Variants in CACNA2D3 observed in about 807,000 individuals in gnomAD.
CACNA2D3 encodes voltage-dependent calcium channel subunit alpha-2/delta-3.
A neutral mutation model predicts 160.6 loss-of-function variants in CACNA2D3; 60 were observed. The ratio of observed to expected loss-of-function variants is 0.37; its 90% confidence interval spans 0.30 to 0.46. The LOEUF is 0.46. Among genes scored for constraint, CACNA2D3 ranks in the 20% least tolerant of loss-of-function variants. The pLI, the probability that CACNA2D3 is intolerant of heterozygous loss-of-function variation, is 1.00. For missense variants in CACNA2D3, 1,205 were observed against 1,365.0 expected, an observed-to-expected ratio of 0.88 and a Z score of 1.85; for synonymous variants, 558 against 492.9, an observed-to-expected ratio of 1.13 and a Z score of -1.75.
chr3:54,390,980 G>A (rs1699269410), intron 4 of CACNA2D3, among the ~76,000 whole-genome samples: 1 of 149,828 alleles, frequency 6.7e-6, no homozygotes, highest in African/African-American at 2.4e-5. Flanking sequence ...GGAGTACAGG[G>A]AGCTGGAAGT....
rs551928235 is a variant in CACNA2D3 at position 54,319,118 on chromosome 3, G to A, written c.205-1324G>A. On this transcript the variant is annotated intron_variant, in intron 2 of 37. Transcript: ENST00000474759. ...CAGTATTACTGCGTCAAAAGACTTG[G>A]ACATTTGAGCATTTGAACAAGGAAG... Among the ~76,000 whole-genome samples the A allele has an allele frequency of 5.4e-4, 82 of 150,464 alleles. 2 individuals are homozygous for A. The highest frequency in any genetic ancestry group is 9.0e-4 in the Non-Finnish European group (61 of 67,750).
chr3:54,681,409 G>C (rs1472366039), intron 11 of CACNA2D3, among the ~76,000 whole-genome samples: 2 of 47,336 alleles, frequency 4.2e-5, no homozygotes, highest in Non-Finnish European at 9.4e-5. Flanking sequence ...AAAAAAAAAA[G>C]GCCAGGCATG....
At chr3:54,975,064 C>T (rs1702355157) in intron 29 of CACNA2D3, among the ~76,000 whole-genome samples, 1 of 152,202 alleles carries the variant, frequency 6.6e-6, no homozygotes, top group Non-Finnish European at 1.5e-5. Flanking sequence ...AAACCCAGCA[C>T]TCTGACCCCC....
chr3:54,593,036 A>G (rs1427807773), intron 9 of CACNA2D3, among the ~76,000 whole-genome samples: 1 of 152,168 alleles, frequency 6.6e-6, no homozygotes, highest in Non-Finnish European at 1.5e-5. Flanking sequence ...CACATGGGCA[A>G]ATGTTGCCTG....
chr3:54,626,301 C>T (rs994866356), intron 9 of CACNA2D3: 2 of 1,534,814 alleles, frequency 1.3e-6, no homozygotes, highest in African/African-American at 1.4e-5. Context: ...ACATGTCCTA[C>T]AAGCGGCTGA....
chr3:54,318,761 C>CAT (rs1178227077), intron 2 of CACNA2D3, among the ~76,000 whole-genome samples: 3 of 146,376 alleles, frequency 2.0e-5, no homozygotes, highest in Admixed American at 6.9e-5. Context: ...GTGGGATAAT[C>CAT]ATAGCTCACT....
chr3:54,320,857 G>A (rs1248566677), intron 3 of CACNA2D3, among the ~76,000 whole-genome samples: 1 of 152,118 alleles, frequency 6.6e-6, no homozygotes, highest in Non-Finnish European at 1.5e-5. Flanking sequence ...TTCAGTAATG[G>A]CCAAAAACCA....
chr3:54,654,037 T>G (rs149062820), intron 11 of CACNA2D3, among the ~76,000 whole-genome samples: 1 of 152,142 alleles, frequency 6.6e-6, no homozygotes, highest in East Asian at 1.9e-4. Flanking sequence ...ATTCTTATTT[T>G]GCAGGTGAGA....
intron 30 of CACNA2D3, 60 bp from the exon 31 acceptor site, chr3:54,987,623 T>C: frequency 9.1e-7 from 1 of 1,095,744 alleles, no homozygotes; most frequent in East Asian, 2.4e-5. Flanking sequence ...TTTTCATTTC[T>C]TCTCTCCTGT....
chr3:54,778,758 G>A (rs1702472114), intron 13 of CACNA2D3, among the ~76,000 whole-genome samples: 1 of 152,176 alleles, frequency 6.6e-6, no homozygotes, highest in Non-Finnish European at 1.5e-5. Flanking sequence ...AAAGGTTGGA[G>A]GGCATGTGAA....
At chr3:54,545,139 A>G (rs572916074) in intron 5 of CACNA2D3, among the ~76,000 whole-genome samples, 13 of 152,366 alleles carry the variant, frequency 8.5e-5, no homozygotes, top group African/African-American at 2.6e-4. Flanking sequence ...ACCATGATAC[A>G]CAAGTTTTAG....
At chr3:54,691,428 A>G (rs979209884) in intron 11 of CACNA2D3, among the ~76,000 whole-genome samples, 4 of 152,130 alleles carry the variant, frequency 2.6e-5, no homozygotes, top group African/African-American at 9.7e-5. Context: ...TATTGTGGTG[A>G]CTCACTTGCT....
chr3:54,286,329 G>C (rs1045119329), intron 2 of CACNA2D3, among the ~76,000 whole-genome samples: 1 of 152,236 alleles, frequency 6.6e-6, no homozygotes, highest in African/African-American at 2.4e-5. Context: ...AAGGGTATCA[G>C]CAATGGAAGA....
intron 4 of CACNA2D3, among the ~76,000 whole-genome samples, chr3:54,464,387 C>G (rs941050651): frequency 2.0e-5 from 3 of 152,228 alleles, no homozygotes; most frequent in Non-Finnish European, 2.9e-5. Flanking sequence ...GTGGAGCCTA[C>G]AGAGGCAGGC....
intron 18 of CACNA2D3, chr3:54,875,627 C>G (rs551027439): frequency 6.6e-6 from 1 of 152,226 alleles, no homozygotes; most frequent in Non-Finnish European, 1.5e-5. Flanking sequence ...AACAATGAAA[C>G]AGGAAACGTG....
chr3:54,146,004 A>G (rs1449124277), intron 2 of CACNA2D3, among the ~76,000 whole-genome samples: 6 of 151,744 alleles, frequency 4.0e-5, no homozygotes, highest in Admixed American at 6.6e-5. Flanking sequence ...ACTTGCTTAT[A>G]TATTTTTTAA....
At position 54,535,872 on chromosome 3, in the gene CACNA2D3, T is replaced by C. The variant is rs368401065; in HGVS notation, c.545-26928T>C. Among the ~76,000 whole-genome samples, 140 of 152,314 alleles carry C rather than the reference T, an allele frequency of 9.2e-4. 3 individuals carry two copies. In the South Asian group the frequency reaches 0.028, roughly 30 times the overall value. ...TGTGACTAGAGCCTGTGCTGGTCAA[T>C]TTGTCAGTGTCAGCTCTGAACTCAT... On this transcript the variant is annotated intron_variant, in intron 5 of 37. Coordinates refer to ENST00000474759, the MANE Select transcript of CACNA2D3 (RefSeq NM_018398.3).
At chr3:55,049,659 G>C (rs993485175) in intron 35 of CACNA2D3, among the ~76,000 whole-genome samples, 3 of 147,358 alleles carry the variant, frequency 2.0e-5, no homozygotes, top group Admixed American at 2.0e-4. Context: ...GGGTATCCTT[G>C]TTGACTTTCT....
At chr3:54,614,677 C>T (rs1698811716) in intron 9 of CACNA2D3, among the ~76,000 whole-genome samples, 1 of 152,020 alleles carries the variant, frequency 6.6e-6, no homozygotes, top group South Asian at 2.1e-4. Flanking sequence ...TTCTTGGTTC[C>T]TTAGAGAAAT....
Sources: allele counts gnomAD v4.1 joint callset (sites outside exome capture counted in the v4.1 genomes callset), GRCh38; gene constraint gnomAD v4.1.1; transcripts MANE v1.5; gene names NCBI Gene and HGNC (gene_info 2026-07-23, HGNC 2026-07-21).